DIAPH2: variants seen among roughly 807,000 people sequenced by gnomAD.
DIAPH2 encodes the protein diaphanous related formin 2, also known as protein diaphanous homolog 2.
DIAPH2 carries 35 observed loss-of-function variants against 92.7 expected under a neutral mutation model. The ratio of observed to expected loss-of-function variants is 0.38; its 90% CI spans 0.29 to 0.50. The LOEUF (loss-of-function observed/expected upper bound fraction) is 0.50. Ranked by LOEUF, DIAPH2 falls within the 20% of genes least tolerant of loss-of-function variation. The probability of loss-of-function intolerance (pLI) is 0.94; values close to 1 mark genes in which losing one functional copy is unlikely to be tolerated. For missense variants in DIAPH2, 701 were observed against 819.5 expected (o/e 0.86, Z 1.77); for synonymous variants, 301 against 280.4 (o/e 1.07, Z -0.73).
At chrX:97,444,990 T>C (rs1336204267) in intron 26 of DIAPH2, among the ~76,000 whole-genome samples, 1 of 111,679 alleles carries the variant, frequency 9.0e-6, no homozygotes, top group Non-Finnish European at 1.9e-5. Context: ...TTAGAAATTA[T>C]TAGAAAATAA....
intron 26 of DIAPH2, among the ~76,000 whole-genome samples, chrX:97,589,020 T>TATATATATATATAC (rs1159725667): frequency 1.2e-5 from 1 of 82,104 alleles, no homozygotes; most frequent in African/African-American, 4.0e-5. Context: ...TATATATATA[T>TATATATATATATAC]ATATATAAAA....
chrX:96,766,886 T>A (rs1426088257), intron 4 of DIAPH2, among the ~76,000 whole-genome samples: 1 of 112,207 alleles, frequency 8.9e-6, no homozygotes, highest in Non-Finnish European at 1.9e-5. Context: ...AAATTGTACT[T>A]TAAAAGTCAA....
chrX:96,699,952 T>TGGAAGA (rs760966389), intron 1 of DIAPH2, among the ~76,000 whole-genome samples: 67 of 112,453 alleles, frequency 6.0e-4, no homozygotes, highest in African/African-American at 2.1e-3. Context: ...GATTCTTTGA[T>TGGAAGA]ACTTCAACAA....
intron 4 of DIAPH2, among the ~76,000 whole-genome samples, chrX:96,854,850 G>C (rs1011789520): frequency 1.9e-5 from 2 of 107,016 alleles, no homozygotes; most frequent in Non-Finnish European, 3.9e-5. Context: ...TTGGACCATG[G>C]TTGATTGCAG....
chrX:96,796,158 A>G lies in DIAPH2; in HGVS notation c.447+37900A>G, dbSNP rs11507788. Reference sequence around the variant, plus strand: ...TTCTAATTTCCTTTTTTTGTTTTTTATTTTTTTATTTTTAGTTTTGTTTTG... The same window carrying G: ...TTCTAATTTCCTTTTTTTGTTTTTTGTTTTTTTATTTTTAGTTTTGTTTTG... On this transcript the variant is annotated intron_variant, in intron 4 of 26. Coordinates refer to ENST00000324765, the MANE Select transcript of DIAPH2 (RefSeq NM_006729.5). 6.3e-5 allele frequency among the ~76,000 whole-genome samples: 7 copies of G among 110,748 alleles called. No individual in the cohort carries two copies. In the East Asian group the frequency reaches 1.7e-3, roughly 27 times the overall value.
intron 4 of DIAPH2, among the ~76,000 whole-genome samples, chrX:96,765,311 C>T (rs1386534283): frequency 9.3e-6 from 1 of 107,824 alleles, no homozygotes; most frequent in Non-Finnish European, 1.9e-5. Flanking sequence ...CATCCTCCCA[C>T]CTTAGCCTCC....
chrX:97,398,805 G>A (rs952365044), intron 25 of DIAPH2, among the ~76,000 whole-genome samples: 6 of 103,079 alleles, frequency 5.8e-5, no homozygotes, highest in South Asian at 9.4e-4. Context: ...GCAATGGTGC[G>A]ACCTCAGCTC....
chrX:97,038,793 T>C (rs2066429282), intron 17 of DIAPH2, among the ~76,000 whole-genome samples: 1 of 111,576 alleles, frequency 9.0e-6, no homozygotes, highest in Non-Finnish European at 1.9e-5. Context: ...TTGCCCACTT[T>C]TCAATAGGTT....
chrX:97,490,706 G>T (rs2147821933), intron 26 of DIAPH2, among the ~76,000 whole-genome samples: 1 of 108,393 alleles, frequency 9.2e-6, no homozygotes, highest in African/African-American at 3.4e-5. Flanking sequence ...CCACATATTT[G>T]TAAATTATCC....
At chrX:96,851,174 G>A (rs1332316540) in intron 4 of DIAPH2, among the ~76,000 whole-genome samples, 3 of 111,943 alleles carry the variant, frequency 2.7e-5, no homozygotes, top group Non-Finnish European at 3.8e-5. Context: ...CCATCTGGGC[G>A]CACTGCAACC....
intron 22 of DIAPH2, among the ~76,000 whole-genome samples, chrX:97,228,483 A>T (rs765216416): frequency 1.3e-4 from 15 of 111,715 alleles, no homozygotes; most frequent in African/African-American, 4.9e-4. Flanking sequence ...GTGTTTTGCA[A>T]CTTCGCTTGT....
intron 4 of DIAPH2, among the ~76,000 whole-genome samples, chrX:96,774,918 C>T (rs1484999294): frequency 8.9e-6 from 1 of 112,311 alleles, no homozygotes; most frequent in East Asian, 2.8e-4. Context: ...TCAATCTCTA[C>T]ATATTCACAA....
At chrX:97,008,942 T>A (rs756858641) in intron 17 of DIAPH2, among the ~76,000 whole-genome samples, 1 of 111,175 alleles carries the variant, frequency 9.0e-6, no homozygotes, top group African/African-American at 3.3e-5. Context: ...TGCCTGTGTT[T>A]GCTCAAGGCC....
chrX:97,255,389 A>G (rs2068228663), intron 23 of DIAPH2, among the ~76,000 whole-genome samples: 1 of 111,808 alleles, frequency 8.9e-6, no homozygotes, highest in Admixed American at 9.6e-5. Context: ...TATTTTTATA[A>G]CATTTTAATA....
intron 4 of DIAPH2, among the ~76,000 whole-genome samples, chrX:96,867,814 G>A (rs233203): frequency 0.51 from 55,364 of 109,587 alleles, 10,886 homozygotes; most frequent in African/African-American, 0.7. Flanking sequence ...ATTAACCAGA[G>A]GAGTATCCCA....
chrX:96,992,352 C>A, intron 17 of DIAPH2, among the ~76,000 whole-genome samples: 1 of 111,530 alleles, frequency 9.0e-6, no homozygotes, highest in Non-Finnish European at 1.9e-5. Context: ...ATAATGAAAG[C>A]ACATAACAAA....
At chrX:96,827,528 A>G (rs1194606811) in intron 4 of DIAPH2, among the ~76,000 whole-genome samples, 1 of 112,110 alleles carries the variant, frequency 8.9e-6, no homozygotes, top group Non-Finnish European at 1.9e-5. Flanking sequence ...TTTTCAAAGG[A>G]TAGCAAAACC....
At chrX:96,812,038 A>AG (rs1569402114) in intron 4 of DIAPH2, among the ~76,000 whole-genome samples, 1 of 111,880 alleles carries the variant, frequency 8.9e-6, no homozygotes, top group Non-Finnish European at 1.9e-5. Context: ...GCGTCATAAA[A>AG]TGAGTTAGGG....
intron 25 of DIAPH2, among the ~76,000 whole-genome samples, chrX:97,420,850 C>G (rs1034112572): frequency 2.7e-5 from 3 of 112,112 alleles, no homozygotes; most frequent in Non-Finnish European, 5.6e-5. Context: ...ATAAGAGCAT[C>G]TGCCTTCATT....
Sources: allele counts gnomAD v4.1 joint callset (sites outside exome capture counted in the v4.1 genomes callset), GRCh38; gene constraint gnomAD v4.1.1; transcripts MANE v1.5; gene names NCBI Gene and HGNC (gene_info 2026-07-23, HGNC 2026-07-21).